The following FSD2 variants were observed in gnomAD, a reference collection of about 807,000 sequenced individuals.
The protein encoded by FSD2 is fibronectin type III and SPRY domain containing 2, also known as fibronectin type III and SPRY domain-containing protein 2.
Under a neutral mutation model 80.4 loss-of-function variants are expected in FSD2, and 71 were observed. The ratio of observed to expected loss-of-function variants is 0.88; its 90% CI spans 0.73 to 1.08. The LOEUF (loss-of-function observed/expected upper bound fraction) is 1.08, where lower values mean the gene tolerates loss of function less well. Among genes scored for constraint, FSD2 ranks in the 50% least tolerant of loss-of-function variants. The pLI is 0.00. For synonymous variants in FSD2, 361 were observed against 329.5 expected (o/e 1.10, Z -1.03); for missense variants, 923 against 913.8 (o/e 1.01, Z -0.13).
chr15:82,796,004 T>C (rs1246074814), intron 1 of FSD2, among the ~76,000 whole-genome samples: 14 of 144,848 alleles, frequency 9.7e-5, no homozygotes, highest in South Asian at 8.7e-4. Context: ...TCTTTTCTTT[T>C]TTTTTTTTTT....
intron 4 of FSD2, among the ~76,000 whole-genome samples, chr15:82,781,468 G>C (rs559181232): frequency 6.6e-6 from 1 of 152,246 alleles, no homozygotes; most frequent in South Asian, 2.1e-4. Context: ...GGAAGCTCTG[G>C]AGGCTGAAGG....
chr15:82,789,548 T>C lies in FSD2; in HGVS notation c.-78-2080A>G, dbSNP rs1357511998. On this transcript the variant is annotated intron_variant, in intron 1 of 12. Transcript: ENST00000334574. ...CAACTGTGTCTCAGGGAGGGTATCT[T>C]GTGCAAGGCCACACAGTTAGTATAT... Among the ~76,000 whole-genome samples, 3 of 152,278 alleles carry C rather than the reference T, an allele frequency of 2.0e-5. No homozygotes were observed. In the East Asian group the frequency reaches 5.8e-4, roughly 29 times the overall value.
chr15:82,762,195 C>G lies in FSD2; in HGVS notation c.1904G>C (p.Arg635Thr). 3 of 1,613,922 alleles carry G rather than the reference C, an allele frequency of 1.9e-6. No individual in the cohort carries two copies. Among genetic ancestry groups the G allele is most frequent in the South Asian group, 1.1e-5 (1 of 91,032 alleles). ...EVEVDEHLDY[R>T]VGVAFADVRK... ...GACATCTGCAAAGGCCACACCAACTCTGTAGTCCAAATGCTCATCCACCTC... is the reference window on the plus strand; with the variant it reads ...GACATCTGCAAAGGCCACACCAACTGTGTAGTCCAAATGCTCATCCACCTC... Residue 635 changes from arginine (R) to threonine (T), a missense_variant, in exon 12 of 13, where the codon AGA becomes ACA. Coordinates refer to ENST00000334574, the MANE Select transcript of FSD2 (RefSeq NM_001007122.4).
chr15:82,772,522 C>A (rs1047325020), intron 6 of FSD2, among the ~76,000 whole-genome samples: 2 of 152,220 alleles, frequency 1.3e-5, no homozygotes, highest in Non-Finnish European at 2.9e-5. Context: ...GTTGTGGGTC[C>A]TCTGGCCCTT....
At chr15:82,803,843 T>C (rs1216230692) in intron 1 of FSD2, among the ~76,000 whole-genome samples, 1 of 152,170 alleles carries the variant, frequency 6.6e-6, no homozygotes, top group Non-Finnish European at 1.5e-5. Flanking sequence ...GAGAGTCCTG[T>C]GTTTGCATTG....
intron 3 of FSD2, among the ~76,000 whole-genome samples, chr15:82,784,336 C>T (rs2049946985): frequency 6.6e-6 from 1 of 151,902 alleles, no homozygotes; most frequent in South Asian, 2.1e-4. Context: ...CCTCTGACTC[C>T]TGGGTTCAAG....
intron 9 of FSD2, among the ~76,000 whole-genome samples, 179 bp downstream of exon 9, chr15:82,768,701 G>T (rs1301179517): frequency 1.3e-5 from 2 of 152,198 alleles, no homozygotes; most frequent in Non-Finnish European, 2.9e-5. Flanking sequence ...TCATTCACTT[G>T]TCATTCACCT....
chr15:82,792,141 G>C (rs543686564), intron 1 of FSD2, among the ~76,000 whole-genome samples: 1 of 152,182 alleles, frequency 6.6e-6, no homozygotes, highest in Non-Finnish European at 1.5e-5. Context: ...CTCAGAGTGG[G>C]ATCACTGGGT....
chr15:82,788,494 G>A lies in FSD2; in HGVS notation c.-78-1026C>T, dbSNP rs192969076. Among the ~76,000 whole-genome samples the A allele has an allele frequency of 5.7e-3, 701 of 123,362 alleles. 11 individuals carry two copies. The highest frequency in any genetic ancestry group is 0.016 in the Middle Eastern group (4 of 250). The allele number at this position is 123,362 out of a possible 152,430, so 80.9% of individuals were successfully genotyped here. ...CGCTCCAGCCTGGGTGACAGAGCAG[G>A]ACCCTGTCTCAAAAAAAAAAAAAAA... On this transcript the variant is annotated intron_variant, in intron 1 of 12. Transcript: ENST00000334574.
At chr15:82,765,841 G>A (rs2049403967) in intron 10 of FSD2, 57 bp downstream of exon 10, 5 of 1,545,774 alleles carry the variant, frequency 3.2e-6, no homozygotes, top group East Asian at 4.6e-5. Flanking sequence ...GCAGCACTGG[G>A]TCTGCCACAG....
chr15:82,796,826 A>C (rs1368414259), intron 1 of FSD2, among the ~76,000 whole-genome samples: 1 of 152,128 alleles, frequency 6.6e-6, no homozygotes, highest in Non-Finnish European at 1.5e-5. Context: ...CTTCAGGAGG[A>C]TCAGCTCCCA....
intron 7 of FSD2, among the ~76,000 whole-genome samples, chr15:82,771,558 G>A (rs1271804183): frequency 2.0e-5 from 3 of 152,234 alleles, no homozygotes; most frequent in African/African-American, 4.8e-5. Context: ...AGTGGAGGCC[G>A]GGGGCCATCT....
At chr15:82,772,963 C>T (rs1476383238) in intron 6 of FSD2, among the ~76,000 whole-genome samples, 1 of 152,200 alleles carries the variant, frequency 6.6e-6, no homozygotes, top group Non-Finnish European at 1.5e-5. Context: ...TCTTGTGCCT[C>T]AGCCTCCTGA....
chr15:82,779,191 G>C (rs2049791757), intron 5 of FSD2, among the ~76,000 whole-genome samples: 1 of 152,144 alleles, frequency 6.6e-6, no homozygotes, highest in Non-Finnish European at 1.5e-5. Flanking sequence ...AGATCTCTTA[G>C]GTGCTAACCT....
chr15:82,794,825 C>T (rs377489391), intron 1 of FSD2, among the ~76,000 whole-genome samples: 17 of 151,570 alleles, frequency 1.1e-4, no homozygotes, highest in African/African-American at 3.1e-4. Context: ...CCCAGGTTCA[C>T]GCCATTCTCC....
intron 9 of FSD2, among the ~76,000 whole-genome samples, chr15:82,766,599 G>C (rs1442980905): frequency 6.6e-6 from 1 of 151,948 alleles, no homozygotes; most frequent in African/African-American, 2.4e-5. Flanking sequence ...AAAATTAACC[G>C]AGTGTGGTGG....
intron 6 of FSD2, 135 bp downstream of exon 6, chr15:82,778,631 G>A (rs1020148547): frequency 5.2e-6 from 5 of 960,504 alleles, no homozygotes; most frequent in African/African-American, 5.0e-5. Flanking sequence ...CACAGTACCT[G>A]TATTTAACAA....
At chr15:82,774,469 T>C (rs1403982552) in intron 6 of FSD2, among the ~76,000 whole-genome samples, 1 of 152,210 alleles carries the variant, frequency 6.6e-6, no homozygotes, top group Non-Finnish European at 1.5e-5. Flanking sequence ...TGAGGTATTA[T>C]GATGTCCATT....
At chr15:82,778,548 C>T (rs1255226572) in intron 6 of FSD2, among the ~76,000 whole-genome samples, 3 of 151,854 alleles carry the variant, frequency 2.0e-5, no homozygotes, top group East Asian at 1.9e-4. Flanking sequence ...GAAGGGGAAA[C>T]GGGGAATTGT....
Sources: gnomAD v4.1 joint callset for allele counts (sites outside exome capture counted in the v4.1 genomes callset) on GRCh38, gnomAD v4.1.1 for gene constraint, MANE v1.5 for transcripts, NCBI Gene and HGNC (gene_info 2026-07-23, HGNC 2026-07-21) for gene names.